The following CDK14 variants were observed in gnomAD, a reference collection of about 807,000 sequenced individuals.
CDK14 encodes the protein cyclin-dependent kinase 14.
CDK14 carries 34 observed loss-of-function variants against 60.7 expected under a neutral mutation model. The ratio of observed to expected loss-of-function variants is 0.56; its 90% CI spans 0.43 to 0.75. The LOEUF is 0.75. Ranked by LOEUF, CDK14 falls within the 30% of genes least tolerant of loss-of-function variation. The pLI is 0.00. For synonymous variants in CDK14, 197 were observed against 203.7 expected, an observed-to-expected ratio of 0.97 and a Z score of 0.28; for missense variants, 482 against 564.1, an observed-to-expected ratio of 0.85 and a Z score of 1.47.
intron 2 of CDK14, among the ~76,000 whole-genome samples, chr7:90,693,772 G>A (rs1309457059): frequency 2.6e-5 from 4 of 152,162 alleles, no homozygotes; most frequent in Admixed American, 6.6e-5. Flanking sequence ...TTCATTCATC[G>A]TAATGATCCT....
intron 2 of CDK14, among the ~76,000 whole-genome samples, chr7:90,622,333 ACTGT>A (rs1343738434): frequency 3.9e-5 from 6 of 152,154 alleles, no homozygotes; most frequent in East Asian, 3.9e-4. Flanking sequence ...AAAATAAATG[ACTGT>A]CTGTGTGGTA....
At chr7:90,970,029 C>G (rs937262726) in intron 9 of CDK14, among the ~76,000 whole-genome samples, 15 of 149,702 alleles carry the variant, frequency 1.0e-4, no homozygotes, top group African/African-American at 3.7e-4. Context: ...TGCAGTGGCA[C>G]AATCTCGGCT....
At chr7:90,770,210 T>A (rs1359774397) in intron 4 of CDK14, among the ~76,000 whole-genome samples, 1 of 152,234 alleles carries the variant, frequency 6.6e-6, no homozygotes, top group Admixed American at 6.5e-5. Context: ...GTAGCTTAGA[T>A]GTTTTTAACA....
intron 4 of CDK14, among the ~76,000 whole-genome samples, chr7:90,773,843 C>CCTCCCCTCCTCTCCT (rs1804886783): frequency 1.3e-5 from 1 of 78,660 alleles, no homozygotes. Context: ...TCTTCTCTTC[C>CCTCCCCTCCTCTCCT]CTCCTCTCCT....
Position 90,596,641 on chromosome 7 carries a change from T to C in CDK14, c.14T>C (p.Ile5Thr). Reference sequence around the variant, plus strand: ...CGCGTCGCCCAGATGTGTGACCTCATTGAGCCGCAGCCGGCCGAGAAGATC... The same window carrying C: ...CGCGTCGCCCAGATGTGTGACCTCACTGAGCCGCAGCCGGCCGAGAAGATC... MCDL[I>T]EPQPAEKIGK... is the part of the protein sequence containing the mutation. The change falls in exon 1 of 15, where the codon ATT (isoleucine) becomes ACT (threonine). Residue 5 changes from isoleucine (I) to threonine (T), a missense_variant. By Grantham distance (89) the Ile-to-Thr change is moderately conservative. Transcript: ENST00000380050. 6.2e-7 allele frequency: 1 copy of C among 1,610,840 alleles called. No homozygotes were observed. The highest frequency in any genetic ancestry group is 8.5e-7 in the Non-Finnish European group (1 of 1,178,398).
intron 13 of CDK14, 150 bp from the exon 14 acceptor site, chr7:91,117,915 A>AC: frequency 2.0e-6 from 1 of 503,440 alleles, no homozygotes; most frequent in Non-Finnish European, 3.5e-6. Flanking sequence ...TGTGCCTGCG[A>AC]CCACCTGGCA....
chr7:91,085,405 C>G lies in CDK14; in HGVS notation c.1154+5925C>G, dbSNP rs75613120. Among the ~76,000 whole-genome samples, 1,483 of 152,292 alleles carry G rather than the reference C, an allele frequency of 9.7e-3. 20 individuals are homozygous for G. Among genetic ancestry groups the G allele is most frequent in the African/African-American group, 0.032 (1,346 of 41,572 alleles). ...CTTCTCCATCAAACAAGCTTCTGATCTCTCTGACTTCCTGTCTGCCCCATT... is the reference window on the plus strand; with the variant it reads ...CTTCTCCATCAAACAAGCTTCTGATGTCTCTGACTTCCTGTCTGCCCCATT... On this transcript the variant is annotated intron_variant, in intron 12 of 14. Transcript: ENST00000380050.
At chr7:91,145,850 A>G (rs1430686917) in intron 14 of CDK14, among the ~76,000 whole-genome samples, 2 of 152,168 alleles carry the variant, frequency 1.3e-5, no homozygotes, top group African/African-American at 2.4e-5. Flanking sequence ...CTGTTGGGTA[A>G]ATCTAAGTCT....
intron 3 of CDK14, among the ~76,000 whole-genome samples, chr7:90,734,803 C>G (rs1045088533): frequency 3.9e-5 from 6 of 152,178 alleles, no homozygotes; most frequent in African/African-American, 1.2e-4. Flanking sequence ...TTTCTGAAGC[C>G]TACCTCTGTC....
chr7:90,646,640 G>A (rs1800474135), intron 2 of CDK14, among the ~76,000 whole-genome samples: 1 of 152,010 alleles, frequency 6.6e-6, no homozygotes, highest in Non-Finnish European at 1.5e-5. Flanking sequence ...TTGCCTATGG[G>A]TCTCTTCCCC....
intron 5 of CDK14, among the ~76,000 whole-genome samples, chr7:90,822,761 G>T (rs1253427056): frequency 6.6e-6 from 1 of 152,194 alleles, no homozygotes; most frequent in Non-Finnish European, 1.5e-5. Flanking sequence ...TTGTTGCAAA[G>T]ATGGACAAAA....
intron 2 of CDK14, among the ~76,000 whole-genome samples, chr7:90,718,709 A>G (rs1454754789): frequency 1.3e-5 from 2 of 152,194 alleles, no homozygotes; most frequent in African/African-American, 4.8e-5. Context: ...TCTTACTGCC[A>G]TCTCTGTGTA....
chr7:90,855,888 G>A (rs911072774), intron 5 of CDK14, among the ~76,000 whole-genome samples: 2 of 152,162 alleles, frequency 1.3e-5, no homozygotes, highest in African/African-American at 4.8e-5. Flanking sequence ...CAGTAGTCAG[G>A]TGACAGATAA....
intron 11 of CDK14, among the ~76,000 whole-genome samples, chr7:91,050,909 C>A (rs968684355): frequency 1.3e-5 from 2 of 152,112 alleles, no homozygotes; most frequent in African/African-American, 4.8e-5. Context: ...CCCATGTCTC[C>A]GTGGGTCTTA....
At chr7:91,112,493 G>T in intron 12 of CDK14, 49 bp from the exon 13 acceptor site, 2 of 1,567,592 alleles carry the variant, frequency 1.3e-6, no homozygotes. Flanking sequence ...GTCTTATTTA[G>T]TGGATTTTCT....
At chr7:90,689,148 G>T (rs1229769529) in intron 2 of CDK14, among the ~76,000 whole-genome samples, 1 of 152,126 alleles carries the variant, frequency 6.6e-6, no homozygotes, top group African/African-American at 2.4e-5. Context: ...GAATTCTGGT[G>T]CTCAAGAATA....
intron 2 of CDK14, among the ~76,000 whole-genome samples, chr7:90,715,016 A>G (rs1254815222): frequency 6.6e-6 from 1 of 152,096 alleles, no homozygotes; most frequent in Non-Finnish European, 1.5e-5. Context: ...ACTGGGGGAA[A>G]GAATTCAGAT....
intron 10 of CDK14, among the ~76,000 whole-genome samples, chr7:91,027,607 A>G (rs932816605): frequency 6.6e-6 from 1 of 152,134 alleles, no homozygotes; most frequent in African/African-American, 2.4e-5. Context: ...ATTGTATGTC[A>G]GTTGCCAAAA....
intron 2 of CDK14, among the ~76,000 whole-genome samples, chr7:90,718,177 C>T (rs1802319185): frequency 6.6e-6 from 1 of 151,836 alleles, no homozygotes; most frequent in South Asian, 2.1e-4. Context: ...AAATGCTGCA[C>T]CCAAATAATT....
Sources: allele counts gnomAD v4.1 joint callset (sites outside exome capture counted in the v4.1 genomes callset), GRCh38; gene constraint gnomAD v4.1.1; transcripts MANE v1.5; gene names NCBI Gene and HGNC (gene_info 2026-07-23, HGNC 2026-07-21).